SSC5D: variants seen among roughly 807,000 people sequenced by gnomAD.
SSC5D encodes soluble scavenger receptor cysteine-rich domain-containing protein SSC5D.
In SSC5D, 106 loss-of-function variants were observed where a neutral mutation model predicts 104.6. The observed-to-expected ratio is 1.01, with a 90% confidence interval of 0.87 to 1.19. The LOEUF (loss-of-function observed/expected upper bound fraction) is 1.19, where lower values mean the gene tolerates loss of function less well. Ranked by LOEUF, SSC5D falls within the 50% of genes most tolerant of loss-of-function variation. SSC5D has a pLI of 0.00. For synonymous variants in SSC5D, 860 were observed against 883.5 expected (o/e 0.97, Z 0.47); for missense variants, 1,993 against 2,153.8 (o/e 0.93, Z 1.48).
In SSC5D at chr19:55,500,396, C is replaced by T. The variant is rs1332976966; in HGVS notation, c.2286C>T (p.Ser762=). The change falls in exon 10 of 14, where the codon AGC becomes AGT. Residue 762 remains serine (S), a synonymous_variant. Coordinates refer to ENST00000389623, the MANE Select transcript of SSC5D (RefSeq NM_001144950.2). This position sits in a 1 kb window ranked among gnomAD's most constrained non-coding sequence, Gnocchi z 4.6. Reference sequence around the variant, plus strand: ...ACCCGGCCCCCTCTCCCAGTGTTAGCACCACTGGGGAATCAGGTGAGTGGC... The same window carrying T: ...ACCCGGCCCCCTCTCCCAGTGTTAGTACCACTGGGGAATCAGGTGAGTGGC... ...PKDPAPSPSV[S]TTGESGLFRV... is the part of the protein sequence containing the mutation. 9 of 1,550,726 alleles carry T rather than the reference C, an allele frequency of 5.8e-6. No individual in the cohort carries two copies. The highest frequency in any genetic ancestry group is 3.6e-5 in the South Asian group (3 of 84,010).
rs1381842242 is a variant in SSC5D at position 55,518,541 on chromosome 19, C to T, written c.4265C>T (p.Pro1422Leu). The T allele has an allele frequency of 7.7e-6, 12 of 1,549,522 alleles. No individual in the cohort carries two copies. Among genetic ancestry groups the T allele is most frequent in the Non-Finnish European group, 1.0e-5 (12 of 1,146,420 alleles). Residue 1422 changes from proline (P) to leucine (L), a missense_variant, in exon 14 of 14, where the codon CCT becomes CTT. Physicochemically the swap from Pro to Leu is moderately conservative, Grantham distance 98. This residue lies in a region of SSC5D where 349 missense variants were observed against 397.6 expected (regional missense o/e 0.88). Transcript: ENST00000389623. ...AGAAGCCAGAGCCCCAACCTAACCC[C>T]TCCACCCACCCATACCCCACACTCA... Reference protein sequence around the residue: ...PPRSQSPNLTPPPTHTPHSAS... With the variant: ...PPRSQSPNLTLPPTHTPHSAS...
chr19:55,504,249 G>A, intron 12 of SSC5D: 1 of 1,519,660 alleles, frequency 6.6e-7, no homozygotes, highest in Admixed American at 2.0e-5. Flanking sequence ...CGGAGACAGC[G>A]GGTCCGGCCT....
intron 13 of SSC5D, among the ~76,000 whole-genome samples, chr19:55,515,600 C>T (rs1449406901): frequency 2.6e-5 from 4 of 151,428 alleles, no homozygotes; most frequent in Non-Finnish European, 4.4e-5. Context: ...GACATGGTGG[C>T]GAGCGCCTGT....
chr19:55,517,167 G>A (rs1005075023), intron 13 of SSC5D, 57 bp from the exon 14 acceptor site: 14 of 1,446,330 alleles, frequency 9.7e-6, no homozygotes, highest in Middle Eastern at 2.4e-4. Context: ...GGCGGGACGC[G>A]TGGTGGGCGG....
At chr19:55,506,582 G>C (rs1258803505) in intron 12 of SSC5D, among the ~76,000 whole-genome samples, 1 of 151,826 alleles carries the variant, frequency 6.6e-6, no homozygotes, top group African/African-American at 2.4e-5. Flanking sequence ...TTTTAGTAGA[G>C]ACGGGGTTTC....
Position 55,518,485 on chromosome 19 carries a change from C to G in SSC5D, c.4209C>G (p.Asp1403Glu), listed in dbSNP as rs759577628. 5.8e-6 allele frequency: 9 copies of G among 1,551,292 alleles called. No individual in the cohort carries two copies. The highest frequency in any genetic ancestry group is 6.1e-6 in the Non-Finnish European group (7 of 1,146,964). Residue 1403 changes from aspartate to glutamate, a missense_variant, in exon 14 of 14, where the codon GAC becomes GAG. Transcript: ENST00000389623. ...GGTCCTCCACAGCCACAAGCATGGA[C>G]CCACTGTCCACTGAGGACTTCAAGC... ...PSRSSTATSM[D>E]PLSTEDFKPP...
chr19:55,495,245 T>A (rs1451451036), intron 8 of SSC5D, among the ~76,000 whole-genome samples: 1,156 of 34,476 alleles, frequency 0.034, 125 homozygotes, highest in African/African-American at 0.09. Flanking sequence ...TTTTTTTTTT[T>A]TTTTTTTTTT....
Position 55,518,715 on chromosome 19 carries a change from T to C in SSC5D, c.4439T>C (p.Val1480Ala). The C allele has an allele frequency of 6.4e-7, 1 of 1,550,850 alleles. No homozygotes were observed. Among genetic ancestry groups the C allele is most frequent in the Non-Finnish European group, 8.7e-7 (1 of 1,146,872 alleles). ...HGPCVAPTPP[V>A]RVMACEPPAL... ...CCATGTGTGGCCCCAACACCACCTG[T>C]AAGGGTCATGGCTTGTGAGCCACCT... The change falls in exon 14 of 14, where the codon GTA becomes GCA. Residue 1480 changes from valine (V) to alanine (A), a missense_variant. Physicochemically the swap from Val to Ala is moderately conservative, Grantham distance 64. Around this residue, in one of 6 missense-constraint regions of SSC5D, gnomAD observed 349 missense variants for 397.6 expected, o/e 0.88. Coordinates refer to ENST00000389623, the MANE Select transcript of SSC5D (RefSeq NM_001144950.2).
intron 12 of SSC5D, among the ~76,000 whole-genome samples, chr19:55,501,861 C>T (rs1234213679): frequency 6.6e-6 from 1 of 152,208 alleles, no homozygotes; most frequent in Non-Finnish European, 1.5e-5. Context: ...GCGAATCCAT[C>T]TCTGCTCCTG....
Position 55,489,027 on chromosome 19 carries a change from C to A in SSC5D, c.47C>A (p.Ala16Asp). 1.3e-6 allele frequency: 2 copies of A among 1,490,024 alleles called. No homozygotes were observed. The highest frequency in any genetic ancestry group is 1.3e-5 in the South Asian group (1 of 76,084). The allele number at this position is 1,490,024 out of a possible 1,614,324, so 92.3% of individuals were successfully genotyped here. A position where few individuals can be genotyped will look rare whatever the true frequency, so the allele number is the denominator to read the frequency against. ...CLLAALVGIQ[A>D]VERLRLADGP... ...CCAGCGGCCCTGGTGGGGATCCAGG[C>A]TGTTGGTAAGTGCCCAGACTCCTCC... The change falls in exon 2 of 14, where the codon GCT becomes GAT. Residue 16 changes from alanine (A) to aspartate (D), a missense_variant. Physicochemically the swap from Ala to Asp is moderately radical, Grantham distance 126 (BLOSUM62 -2). Transcript: ENST00000389623.
rs939782151 is a variant in SSC5D, at chr19:55,504,126, G to T, written c.2785+2925G>T. The T allele has an allele frequency of 2.0e-6, 3 of 1,535,262 alleles. No individual in the cohort carries two copies. In the African/African-American group the frequency reaches 4.1e-5, roughly 21 times the overall value. ...TCATTCCGTTTCCAGAGCCGGAAGCGGGAGCTCCGAGAGGTGATGCTCCTC... is the reference window on the plus strand; with the variant it reads ...TCATTCCGTTTCCAGAGCCGGAAGCTGGAGCTCCGAGAGGTGATGCTCCTC... On this transcript the variant is annotated intron_variant, in intron 12 of 13. Coordinates refer to ENST00000389623, the MANE Select transcript of SSC5D (RefSeq NM_001144950.2).
rs1008164033 is a variant in SSC5D at position 55,488,464 on chromosome 19, GCTC to G, written c.-119_-117del. 3.7e-4 allele frequency: 280 copies of G among 754,734 alleles called. 1 individual carries two copies. In the African/African-American group the frequency reaches 4.4e-3, roughly 12 times the overall value. 46.8% of individuals were successfully genotyped at this position (754,734 alleles called of 1,614,324 possible). On this transcript the variant is annotated 5_prime_UTR_variant, in exon 1 of 14. Coordinates refer to ENST00000389623, the MANE Select transcript of SSC5D (RefSeq NM_001144950.2). Reference sequence around the variant, plus strand: ...CCTGGCAAAGCGTCCAGCCCTGCCTGCTCCTCCTCGGGCCTGGGCGCCTCCAGC... The same window carrying G: ...CCTGGCAAAGCGTCCAGCCCTGCCTGCTCCTCGGGCCTGGGCGCCTCCAGC...
intron 13 of SSC5D, among the ~76,000 whole-genome samples, chr19:55,515,039 G>A (rs549138634): frequency 2.6e-5 from 4 of 152,146 alleles, no homozygotes; most frequent in Admixed American, 6.6e-5. Context: ...GAAGGGATGC[G>A]CCTGAAAGAC....
At position 55,503,801 on chromosome 19, in the gene SSC5D, C is replaced by G. The variant is rs1987573101; in HGVS notation, c.2785+2600C>G. On this transcript the variant is annotated intron_variant, in intron 12 of 13. Coordinates refer to ENST00000389623, the MANE Select transcript of SSC5D (RefSeq NM_001144950.2). This position sits in a 1 kb window ranked among gnomAD's most constrained non-coding sequence, Gnocchi z 4.0. ...CCGCTCCCGCAGGAGAGTCTCGCCGCAAGCGTCCTTTCCCGCCTTTTTTTT... is the reference window on the plus strand; with the variant it reads ...CCGCTCCCGCAGGAGAGTCTCGCCGGAAGCGTCCTTTCCCGCCTTTTTTTT... 6.8e-6 allele frequency among the ~76,000 whole-genome samples: 1 copy of G among 146,568 alleles called. No individual in the cohort carries two copies. The highest frequency in any genetic ancestry group is 1.5e-5 in the Non-Finnish European group (1 of 66,894).
rs539312873 is a variant in SSC5D, at chr19:55,500,612, G to A, written c.2425G>A (p.Ala809Thr). Residue 809 changes from alanine (A) to threonine (T), a missense_variant, in exon 11 of 14, where the codon GCC becomes ACC. Physicochemically the swap from Ala to Thr is moderately conservative, Grantham distance 58. Around this residue, in one of 6 missense-constraint regions of SSC5D, gnomAD observed 70 missense variants for 107.1 expected, o/e 0.65. Coordinates refer to ENST00000389623, the MANE Select transcript of SSC5D (RefSeq NM_001144950.2). This position sits in a 1 kb window ranked among gnomAD's most constrained non-coding sequence, Gnocchi z 4.6. ...DNWDLRDATV[A>T]CWELGCGKVR... ...CTGGGACCTGCGGGACGCCACTGTGGCCTGCTGGGAACTGGGCTGTGGAAA... is the reference window on the plus strand; with the variant it reads ...CTGGGACCTGCGGGACGCCACTGTGACCTGCTGGGAACTGGGCTGTGGAAA... 5 of 1,551,794 alleles carry A rather than the reference G, an allele frequency of 3.2e-6. No homozygotes were observed. In the Admixed American group the frequency reaches 5.9e-5, roughly 18 times the overall value.
intron 12 of SSC5D, among the ~76,000 whole-genome samples, chr19:55,512,004 A>G (rs1987767108): frequency 6.6e-6 from 1 of 152,030 alleles, no homozygotes; most frequent in Admixed American, 6.6e-5. Flanking sequence ...TTGCAATTTC[A>G]AGCTGATGAA....
At position 55,490,756 on chromosome 19, in the gene SSC5D, C is replaced by A; in HGVS notation, c.587-16C>A. 1 of 1,485,836 alleles carries A rather than the reference C, an allele frequency of 6.7e-7. No homozygotes were observed. Among genetic ancestry groups the A allele is most frequent in the Non-Finnish European group, 8.9e-7 (1 of 1,121,968 alleles). 92.0% of individuals were successfully genotyped at this position (1,485,836 alleles called of 1,614,324 possible). A position where few individuals can be genotyped will look rare whatever the true frequency, so the allele number is the denominator to read the frequency against. On this transcript the variant is annotated splice_polypyrimidine_tract_variant and intron_variant, in intron 5 of 13. Coordinates refer to ENST00000389623, the MANE Select transcript of SSC5D (RefSeq NM_001144950.2). ...TTCTCACTGGCCACACCGTCCCCTC[C>A]CTGCTCACCCCACAGAGCGGCTGCG... is the stretch of plus-strand genomic sequence containing the variant.
chr19:55,492,783 C>T (rs929793), intron 6 of SSC5D: 20,417 of 152,052 alleles, frequency 0.13, 3,136 homozygotes, highest in African/African-American at 0.38. Flanking sequence ...CTGTAGCCCA[C>T]GTGCTTTGGG....
intron 13 of SSC5D, among the ~76,000 whole-genome samples, chr19:55,515,711 G>A (rs565813544): frequency 2.8e-5 from 4 of 144,416 alleles, no homozygotes; most frequent in Admixed American, 7.1e-5. Flanking sequence ...TAACCTGGGC[G>A]ACAGAGTGAG....
Sources: gnomAD v4.1 joint callset for allele counts (sites outside exome capture counted in the v4.1 genomes callset) on GRCh38, gnomAD v4.1.1 for gene constraint, gnomAD v4.1.1 regional missense constraint, Gnocchi (gnomAD v3.1) non-coding constraint, MANE v1.5 for transcripts, NCBI Gene and HGNC (gene_info 2026-07-23, HGNC 2026-07-21) for gene names.